ASB4: variants seen among roughly 807,000 people sequenced by gnomAD.
ASB4 encodes the protein ankyrin repeat and SOCS box protein 4.
In ASB4, 35 loss-of-function variants were observed where a neutral mutation model predicts 38.6. The observed-to-expected ratio is 0.91, with a 90% CI of 0.69 to 1.20. ASB4 has a LOEUF of 1.20. Ranked by LOEUF, ASB4 falls within the 50% of genes most tolerant of loss-of-function variation. The probability of loss-of-function intolerance (pLI) is 0.00; values close to 1 mark genes in which losing one functional copy is unlikely to be tolerated. For synonymous variants in ASB4, 195 were observed against 201.3 expected (o/e 0.97, Z 0.26); for missense variants, 557 against 527.2 (o/e 1.06, Z -0.55).
chr7:95,549,300 C>CCTTTTTTTTTTTTTT, the ASB4 span, among the ~76,000 whole-genome samples: 3 of 83,088 alleles, frequency 3.6e-5, no homozygotes, highest in African/African-American at 6.4e-5. Flanking sequence ...TAGGAGACTC[C>CCTTTTTTTTTTTTTT]ATTTTTTTTT....
intron 3 of ASB4, among the ~76,000 whole-genome samples, chr7:95,530,818 T>A (rs1033088778): frequency 6.6e-6 from 1 of 152,174 alleles, no homozygotes; most frequent in Admixed American, 6.5e-5. Context: ...TGACTGCCTT[T>A]CAGAGAATAA....
At chr7:95,549,847 C>T in the ASB4 span, among the ~76,000 whole-genome samples, 2 of 152,118 alleles carry the variant, frequency 1.3e-5, no homozygotes, top group Admixed American at 6.5e-5. Context: ...ACTAATCCTT[C>T]CTTCTGCTCA....
chr7:95,513,249 GTTTGTTTTTTTTTTTT>G (rs1790508382), intron 2 of ASB4, among the ~76,000 whole-genome samples: 1 of 38,524 alleles, frequency 2.6e-5, no homozygotes, highest in Admixed American at 3.2e-4. Context: ...TTTGTTTTTT[GTTTGTTTTTTTTTTTT>G]TTTTTTTTTA....
downstream of ASB4, chr7:95,542,410 G>GTT: frequency 6.7e-6 from 1 of 149,776 alleles, no homozygotes; most frequent in Non-Finnish European, 1.5e-5. Flanking sequence ...CCCAAAAGTG[G>GTT]TTTTTTTTTT....
chr7:95,543,712 T>C (rs1024238335), downstream of ASB4: 1 of 152,048 alleles, frequency 6.6e-6, no homozygotes, highest in Admixed American at 6.5e-5. Flanking sequence ...TCAGTTAGAG[T>C]AACTTGATGC....
the ASB4 span, among the ~76,000 whole-genome samples, chr7:95,545,892 G>C: frequency 1.3e-5 from 2 of 152,194 alleles, no homozygotes; most frequent in East Asian, 3.8e-4. Context: ...AGTCACAGGT[G>C]TCCCATGCAC....
chr7:95,513,253 G>GTTTTT (rs536945120), intron 2 of ASB4, among the ~76,000 whole-genome samples: 1 of 77,024 alleles, frequency 1.3e-5, no homozygotes, highest in Non-Finnish European at 2.3e-5. Context: ...TTTTTTGTTT[G>GTTTTT]TTTTTTTTTT....
At chr7:95,521,895 A>G (rs1044814555) in intron 2 of ASB4, among the ~76,000 whole-genome samples, 2 of 152,114 alleles carry the variant, frequency 1.3e-5, no homozygotes, top group Non-Finnish European at 2.9e-5. Context: ...CTGTGGAGGA[A>G]AAAATTATGG....
chr7:95,490,458 T>C (rs1790155309), intron 1 of ASB4, among the ~76,000 whole-genome samples: 1 of 152,256 alleles, frequency 6.6e-6, no homozygotes, highest in South Asian at 2.1e-4. Context: ...TAGCCAAGAA[T>C]TGTGCTTCAG....
At chr7:95,535,452 T>C (rs150650331) in intron 3 of ASB4, among the ~76,000 whole-genome samples, 31 of 152,122 alleles carry the variant, frequency 2.0e-4, no homozygotes, top group Non-Finnish European at 3.7e-4. Context: ...ATGGGAAAAA[T>C]GGAACTGATA....
intron 2 of ASB4, among the ~76,000 whole-genome samples, chr7:95,508,673 G>A (rs1412065596): frequency 6.6e-6 from 1 of 152,144 alleles, no homozygotes; most frequent in Admixed American, 6.6e-5. Flanking sequence ...TTGGGCTCAC[G>A]CAGGTTTAGG....
chr7:95,542,905 T>C (rs1263208922), downstream of ASB4: 1 of 152,214 alleles, frequency 6.6e-6, no homozygotes, highest in African/African-American at 2.4e-5. Context: ...TTGTATTTCT[T>C]AAAGACAGCC....
chr7:95,515,218 T>C (rs1207200860), intron 2 of ASB4, among the ~76,000 whole-genome samples: 39 of 120,826 alleles, frequency 3.2e-4, no homozygotes, highest in African/African-American at 1.5e-3. Context: ...TCTTTCTTTC[T>C]TTCTTTCTTT....
chr7:95,513,475 G>T (rs999435686), intron 2 of ASB4, among the ~76,000 whole-genome samples: 1 of 152,054 alleles, frequency 6.6e-6, no homozygotes, highest in Non-Finnish European at 1.5e-5. Flanking sequence ...TTCCTTGCTT[G>T]TGGGAGGTTA....
Position 95,486,011 on chromosome 7 carries a change from G to T in ASB4, c.40G>T (p.Ala14Ser). 6.2e-7 allele frequency: 1 copy of T among 1,614,054 alleles called. No homozygotes were observed. The change falls in exon 1 of 5, where the codon GCC (alanine) becomes TCC (serine). Residue 14 changes from alanine (A) to serine (S), a missense_variant. Physicochemically the swap from Ala to Ser is moderately conservative, Grantham distance 99. Coordinates refer to ENST00000325885, the MANE Select transcript of ASB4 (RefSeq NM_016116.3). ...TTAPVTKSGAAKLVKRNFLEA... is the reference protein window; with the variant it reads ...TTAPVTKSGASKLVKRNFLEA... ...TGCCCCTGTCACTAAATCTGGAGCT[G>T]CCAAGTTAGTTAAGAGAAATTTCCT...
chr7:95,502,371 T>C (rs1198144313), intron 2 of ASB4, among the ~76,000 whole-genome samples: 2 of 119,988 alleles, frequency 1.7e-5, no homozygotes, highest in Admixed American at 8.9e-5. Flanking sequence ...CTTAATAGAA[T>C]GTAAATAGGT....
intron 2 of ASB4, among the ~76,000 whole-genome samples, chr7:95,498,177 TA>T (rs1276741155): frequency 6.6e-6 from 1 of 152,002 alleles, no homozygotes; most frequent in Non-Finnish European, 1.5e-5. Flanking sequence ...TAATGTGAGA[TA>T]AAAAAAATTA....
intron 1 of ASB4, among the ~76,000 whole-genome samples, chr7:95,489,591 G>T (rs1030357636): frequency 3.9e-5 from 6 of 152,182 alleles, no homozygotes; most frequent in African/African-American, 1.4e-4. Context: ...AAATGTGCTG[G>T]TTGGCATTTG....
chr7:95,530,008 C>T (rs1298972047), intron 3 of ASB4, among the ~76,000 whole-genome samples: 4 of 146,290 alleles, frequency 2.7e-5, no homozygotes, highest in African/African-American at 1.0e-4. Context: ...CAAAGGCCTT[C>T]ATGAAAGATA....
Sources: allele counts gnomAD v4.1 joint callset (sites outside exome capture counted in the v4.1 genomes callset), GRCh38; gene constraint gnomAD v4.1.1; transcripts MANE v1.5; gene names NCBI Gene and HGNC (gene_info 2026-07-23, HGNC 2026-07-21).